Variants in KLF13 observed in about 807,000 individuals in gnomAD.
KLF13 encodes the protein Krueppel-like factor 13.
KLF13 carries 8 observed loss-of-function variants against 16.7 expected under a neutral mutation model. That is an observed-to-expected ratio of 0.48 (90% CI 0.28 to 0.87). The LOEUF (loss-of-function observed/expected upper bound fraction) is 0.87. Ranked by LOEUF, KLF13 falls within the 40% of genes least tolerant of loss-of-function variation. KLF13 has a pLI of 0.10. For missense variants in KLF13, 447 were observed against 452.2 expected (o/e 0.99, Z 0.10); for synonymous variants, 245 against 208.4 (o/e 1.18, Z -1.51).
chr15:31,384,367 G>A (rs1162041132), intron 1 of KLF13, among the ~76,000 whole-genome samples: 1 of 151,624 alleles, frequency 6.6e-6, no homozygotes, highest in Non-Finnish European at 1.5e-5. Context: ...TGGAGGTGGA[G>A]GTTGCAGTGA....
chr15:31,334,181 C>G (rs577624309), intron 1 of KLF13, among the ~76,000 whole-genome samples: 1 of 152,278 alleles, frequency 6.6e-6, no homozygotes, highest in African/African-American at 2.4e-5. Context: ...ACAAGACACC[C>G]TGATTTTCTT....
intron 1 of KLF13, among the ~76,000 whole-genome samples, chr15:31,417,252 TG>T (rs2040265756): frequency 6.6e-6 from 1 of 152,086 alleles, no homozygotes; most frequent in Non-Finnish European, 1.5e-5. Context: ...CCCAGCACTT[TG>T]GGAGGCCGAG....
chr15:31,337,970 A>G (rs952314608), intron 1 of KLF13, among the ~76,000 whole-genome samples: 4 of 152,132 alleles, frequency 2.6e-5, no homozygotes, highest in African/African-American at 7.2e-5. Context: ...GTCAGTGTCT[A>G]CTGTCACAGG....
At chr15:31,345,499 C>T (rs769692014) in intron 1 of KLF13, among the ~76,000 whole-genome samples, 12 of 152,322 alleles carry the variant, frequency 7.9e-5, no homozygotes, top group East Asian at 1.9e-4. Context: ...GTGAGCACCG[C>T]GTGCCTAGCA....
chr15:31,333,325 G>A (rs1012876836), intron 1 of KLF13, among the ~76,000 whole-genome samples: 3 of 152,208 alleles, frequency 2.0e-5, no homozygotes, highest in Non-Finnish European at 4.4e-5. Flanking sequence ...CCGCCCCCGA[G>A]GTGGGTGTAC....
intron 1 of KLF13, among the ~76,000 whole-genome samples, chr15:31,341,693 C>T (rs142072020): frequency 4.1e-4 from 63 of 152,254 alleles, no homozygotes; most frequent in African/African-American, 1.4e-3. Context: ...TGAGCCACCA[C>T]ACCCAGCCCA....
intron 1 of KLF13, among the ~76,000 whole-genome samples, chr15:31,421,876 G>A (rs1346794201): frequency 6.6e-6 from 1 of 152,128 alleles, no homozygotes. Flanking sequence ...CATTTTGGGA[G>A]GCCAGGACGG....
chr15:31,365,300 G>A (rs569842936), intron 1 of KLF13, among the ~76,000 whole-genome samples: 6 of 152,292 alleles, frequency 3.9e-5, no homozygotes, highest in Admixed American at 3.3e-4. Context: ...GGACCCTTGC[G>A]CTCCAGAGGT....
intron 1 of KLF13, among the ~76,000 whole-genome samples, chr15:31,335,632 T>C (rs1328116670): frequency 1.3e-5 from 2 of 152,198 alleles, no homozygotes; most frequent in African/African-American, 4.8e-5. Context: ...TCTCCATTTT[T>C]GAAGTTCATC....
At chr15:31,409,182 G>A (rs1209224077), downstream of KLF13, among the ~76,000 whole-genome samples, 2 of 152,048 alleles carry the variant, frequency 1.3e-5, no homozygotes, top group Admixed American at 1.3e-4. Context: ...CTACTCGGGA[G>A]GCTGAGGTGG....
At position 31,347,624 on chromosome 15, in the gene KLF13, G is replaced by A. The variant is rs576254328; in HGVS notation, c.577+19835G>A. On this transcript the variant is annotated intron_variant, in intron 1 of 1. Transcript: ENST00000307145. ...CTAAGCCAGCGGAGCCTCAGAGTAGGGGAGAGAGGCGGGGCAGTGTGACTT... is the reference window on the plus strand; with the variant it reads ...CTAAGCCAGCGGAGCCTCAGAGTAGAGGAGAGAGGCGGGGCAGTGTGACTT... 3.3e-5 allele frequency among the ~76,000 whole-genome samples: 5 copies of A among 152,342 alleles called. No homozygotes were observed. The East Asian group carries it at 9.6e-4, about 29-fold the overall frequency.
intron 1 of KLF13, among the ~76,000 whole-genome samples, chr15:31,339,396 C>T (rs2140937509): frequency 6.6e-6 from 1 of 152,278 alleles, no homozygotes; most frequent in East Asian, 1.9e-4. Context: ...GGTGGCAAGG[C>T]CCTGGTGAGG....
At chr15:31,392,301 G>A (rs1216962276), upstream of KLF13, among the ~76,000 whole-genome samples, 1 of 152,230 alleles carries the variant, frequency 6.6e-6, no homozygotes, top group East Asian at 1.9e-4. Flanking sequence ...CCTCACGTGA[G>A]CTCATGTACC....
At chr15:31,393,848 G>T (rs2140985578) in intron 2 of KLF13, among the ~76,000 whole-genome samples, 1 of 152,288 alleles carries the variant, frequency 6.6e-6, no homozygotes, top group South Asian at 2.1e-4. Context: ...TCAAGGACAT[G>T]CTGCCTGGCT....
At chr15:31,390,827 T>G (rs2039853946), upstream of KLF13, among the ~76,000 whole-genome samples, 1 of 152,090 alleles carries the variant, frequency 6.6e-6, no homozygotes, top group African/African-American at 2.4e-5. Flanking sequence ...TGTGTTTATT[T>G]TCCTTCTTTT....
At chr15:31,423,164 T>TATATATACGTATATATAC (rs371896440) in intron 1 of KLF13, among the ~76,000 whole-genome samples, 1 of 25,354 alleles carries the variant, frequency 3.9e-5, no homozygotes, top group Non-Finnish European at 6.4e-5. Flanking sequence ...CGTATATATA[T>TATATATACGTATATATAC]GTATATATAT....
chr15:31,388,092 G>C (rs1434609107), upstream of KLF13, among the ~76,000 whole-genome samples: 2 of 152,202 alleles, frequency 1.3e-5, no homozygotes, highest in Admixed American at 6.5e-5. Flanking sequence ...GGAAGGAGTC[G>C]AAGTCATCTG....
intron 2 of KLF13, among the ~76,000 whole-genome samples, chr15:31,397,875 G>GGC (rs61088868): frequency 1.2e-5 from 1 of 83,478 alleles, no homozygotes; most frequent in South Asian, 4.2e-4. Flanking sequence ...GGGTGGCGGC[G>GGC]GGGGGGGTGG....
At chr15:31,341,578 C>G (rs2039023027) in intron 1 of KLF13, among the ~76,000 whole-genome samples, 1 of 149,656 alleles carries the variant, frequency 6.7e-6, no homozygotes, top group South Asian at 2.1e-4. Context: ...AGTCTGTCAC[C>G]CAGGCTGGAG....
Sources: allele counts gnomAD v4.1 joint callset (sites outside exome capture counted in the v4.1 genomes callset), GRCh38; gene constraint gnomAD v4.1.1; transcripts MANE v1.5; gene names NCBI Gene and HGNC (gene_info 2026-07-23, HGNC 2026-07-21).